Variants in CMTM7 observed in about 807,000 individuals in gnomAD.
CMTM7 encodes the protein CKLF-like MARVEL transmembrane domain-containing protein 7.
In CMTM7, 7 loss-of-function variants were observed where a neutral mutation model predicts 19.3. That is an observed-to-expected ratio of 0.36 (90% CI 0.21 to 0.68). CMTM7 has a LOEUF of 0.68. Ranked by LOEUF, CMTM7 falls within the 30% of genes least tolerant of loss-of-function variation. The probability of loss-of-function intolerance (pLI) is 0.60; values close to 1 mark genes in which losing one functional copy is unlikely to be tolerated. For missense variants in CMTM7, 193 were observed against 232.6 expected, an observed-to-expected ratio of 0.83 and a Z score of 1.11; for synonymous variants, 87 against 99.3, an observed-to-expected ratio of 0.88 and a Z score of 0.74.
At chr3:32,417,563 T>G (rs146687046) in intron 1 of CMTM7, among the ~76,000 whole-genome samples, 269 of 152,380 alleles carry the variant, frequency 1.8e-3, no homozygotes, top group African/African-American at 6.3e-3. Flanking sequence ...GTTTCCATTT[T>G]TCTTAAGTAA....
chr3:32,449,516 C>G lies in CMTM7; in HGVS notation c.396C>G (p.Ser132=). 6.2e-7 allele frequency: 1 copy of G among 1,614,110 alleles called. No homozygotes were observed. The highest frequency in any genetic ancestry group is 8.5e-7 in the Non-Finnish European group (1 of 1,179,976). ...TCATCGCCTCCATTGTGGCAGCTTCCAAGAGTTACAACCAGAGCGGACTGG... is the reference window on the plus strand; with the variant it reads ...TCATCGCCTCCATTGTGGCAGCTTCGAAGAGTTACAACCAGAGCGGACTGG... ...LLLIASIVAA[S]KSYNQSGLVA... is the part of the protein sequence containing the mutation. Residue 132 remains serine, a synonymous_variant, in exon 3 of 5, where the codon TCC becomes TCG. Coordinates refer to ENST00000334983, the MANE Select transcript of CMTM7 (RefSeq NM_138410.4). This position sits in a 1 kb window ranked among gnomAD's most constrained non-coding sequence, Gnocchi z 4.5.
At chr3:32,434,572 G>A (rs1696567734) in intron 1 of CMTM7, among the ~76,000 whole-genome samples, 1 of 149,108 alleles carries the variant, frequency 6.7e-6, no homozygotes, top group Admixed American at 6.7e-5. Flanking sequence ...GCCTCCCAAA[G>A]CACTGAGATT....
intron 1 of CMTM7, 40 bp downstream of exon 1, chr3:32,392,105 C>T: frequency 8.2e-7 from 1 of 1,224,930 alleles, no homozygotes; most frequent in Non-Finnish European, 1.0e-6. Context: ...TTCTACAGGG[C>T]GTCCCGGGAA....
In CMTM7 at chr3:32,439,886, G is replaced by A. The variant is rs77936080; in HGVS notation, c.160-1954G>A. ...AGATGGGTAACTCTTTACTATGGGA[G>A]CTCTCCTATTTATTGCAGGGTGCTT... On this transcript the variant is annotated intron_variant, in intron 1 of 4. Transcript: ENST00000334983. Among the ~76,000 whole-genome samples the A allele has an allele frequency of 8.4e-3, 1,275 of 152,322 alleles. 20 individuals carry two copies. The highest frequency in any genetic ancestry group is 0.029 in the African/African-American group (1,219 of 41,570).
rs149834090 is a variant in CMTM7 at position 32,449,400 on chromosome 3, C to T, written c.334-54C>T. 324 of 1,248,480 alleles carry T rather than the reference C, an allele frequency of 2.6e-4. No homozygotes were observed. The highest frequency in any genetic ancestry group is 3.5e-4 in the Non-Finnish European group (294 of 846,470). 77.3% of individuals were successfully genotyped at this position (1,248,480 alleles called of 1,614,324 possible). A position where few individuals can be genotyped will look rare whatever the true frequency, so the allele number is the denominator to read the frequency against. On this transcript the variant is annotated intron_variant, in intron 2 of 4. Transcript: ENST00000334983. The surrounding 1 kb of genome is among the most constrained non-coding windows in gnomAD (Gnocchi z 4.5). ...GTCTTCTGATGCCCAGTTGCTCTTCCCGGACCAGAAATGGACGGCCCTACC... is the reference window on the plus strand; with the variant it reads ...GTCTTCTGATGCCCAGTTGCTCTTCTCGGACCAGAAATGGACGGCCCTACC...
rs1696701689 is a variant in CMTM7 at position 32,442,849 on chromosome 3, A to T, written c.333+836A>T. Among the ~76,000 whole-genome samples, 3 of 152,216 alleles carry T rather than the reference A, an allele frequency of 2.0e-5. No homozygotes were observed. In the South Asian group the frequency reaches 6.2e-4, roughly 32 times the overall value. ...GTTTAGTATATTTCCAGAGTTGTCCAACCATTACTACAGTCAACTTGAGAA... is the reference window on the plus strand; with the variant it reads ...GTTTAGTATATTTCCAGAGTTGTCCTACCATTACTACAGTCAACTTGAGAA... On this transcript the variant is annotated intron_variant, in intron 2 of 4. Coordinates refer to ENST00000334983, the MANE Select transcript of CMTM7 (RefSeq NM_138410.4).
chr3:32,400,780 G>A (rs6790078), intron 1 of CMTM7, among the ~76,000 whole-genome samples: 27,873 of 152,136 alleles, frequency 0.18, 3,089 homozygotes, highest in Non-Finnish European at 0.25. Context: ...AGCCAGTCAT[G>A]GAGGTACCCT....
At chr3:32,436,904 G>C (rs1696605626) in intron 1 of CMTM7, among the ~76,000 whole-genome samples, 1 of 152,090 alleles carries the variant, frequency 6.6e-6, no homozygotes, top group African/African-American at 2.4e-5. Context: ...TGAGTTTTCT[G>C]TAGAGATTTT....
Position 32,449,535 on chromosome 3 carries a change from G to A in CMTM7, c.415G>A (p.Gly139Arg), listed in dbSNP as rs1471628323. Residue 139 changes from glycine to arginine, a missense_variant, in exon 3 of 5, where the codon GGA becomes AGA. By Grantham distance (125) the Gly-to-Arg change is moderately radical (BLOSUM62 -2). Coordinates refer to ENST00000334983, the MANE Select transcript of CMTM7 (RefSeq NM_138410.4). The surrounding 1 kb of genome is among the most constrained non-coding windows in gnomAD (Gnocchi z 4.5). ...VAASKSYNQSGLVAGAIFGFM... is the reference protein window; with the variant it reads ...VAASKSYNQSRLVAGAIFGFM... Reference sequence around the variant, plus strand: ...AGCTTCCAAGAGTTACAACCAGAGCGGACTGGTAGCCGGAGCGGTGAGGAT... The same window carrying A: ...AGCTTCCAAGAGTTACAACCAGAGCAGACTGGTAGCCGGAGCGGTGAGGAT... 4 of 1,613,756 alleles carry A rather than the reference G, an allele frequency of 2.5e-6. No homozygotes were observed. Among genetic ancestry groups the A allele is most frequent in the Non-Finnish European group, 3.4e-6 (4 of 1,179,660 alleles).
chr3:32,430,934 A>T lies in CMTM7; in HGVS notation c.160-10906A>T, dbSNP rs796971205. On this transcript the variant is annotated intron_variant, in intron 1 of 4. Coordinates refer to ENST00000334983, the MANE Select transcript of CMTM7 (RefSeq NM_138410.4). The stretch of plus-strand genomic sequence containing the variant: ...AGCACAATGCCTGGGCCATAAAAGG[A>T]TATAAAATTGCATTTGTTCATTCAT... 7.2e-5 allele frequency among the ~76,000 whole-genome samples: 11 copies of T among 152,344 alleles called. 1 individual carries two copies. The highest frequency in any genetic ancestry group is 2.6e-4 in the African/African-American group (11 of 41,576).
chr3:32,422,517 G>C (rs1318034403), intron 1 of CMTM7, among the ~76,000 whole-genome samples: 1 of 152,240 alleles, frequency 6.6e-6, no homozygotes, highest in African/African-American at 2.4e-5. Context: ...CCGTCTCGTA[G>C]CCCTAATGCC....
chr3:32,444,616 A>C (rs183712273), intron 2 of CMTM7, among the ~76,000 whole-genome samples: 1 of 152,342 alleles, frequency 6.6e-6, no homozygotes, highest in Admixed American at 6.5e-5. Flanking sequence ...ATTATGTTGA[A>C]TCCATAGATC....
intron 1 of CMTM7, among the ~76,000 whole-genome samples, chr3:32,435,527 G>T (rs569195480): frequency 1.3e-5 from 2 of 152,332 alleles, no homozygotes; most frequent in South Asian, 4.1e-4. Flanking sequence ...GATTAAGTAG[G>T]TCATTCTCCA....
intron 1 of CMTM7, among the ~76,000 whole-genome samples, chr3:32,423,525 A>G: frequency 6.6e-6 from 1 of 152,192 alleles, no homozygotes; most frequent in East Asian, 1.9e-4. Flanking sequence ...TGGGAAGCCA[A>G]AACCAAGAGC....
At chr3:32,445,547 C>T (rs1299030265) in intron 2 of CMTM7, among the ~76,000 whole-genome samples, 2 of 151,984 alleles carry the variant, frequency 1.3e-5, no homozygotes, top group African/African-American at 2.4e-5. Context: ...GGATCTTGGT[C>T]TATCATCCAG....
At chr3:32,410,628 G>A (rs1008932675) in intron 1 of CMTM7, among the ~76,000 whole-genome samples, 8 of 152,226 alleles carry the variant, frequency 5.3e-5, no homozygotes, top group Non-Finnish European at 1.2e-4. Context: ...AAAAGTCACA[G>A]AGAGGCTAGG....
At chr3:32,439,046 C>T (rs1575123062) in intron 1 of CMTM7, among the ~76,000 whole-genome samples, 1 of 152,122 alleles carries the variant, frequency 6.6e-6, no homozygotes, top group African/African-American at 2.4e-5. Flanking sequence ...TGGGAAGACC[C>T]CTAGACTTCC....
intron 1 of CMTM7, among the ~76,000 whole-genome samples, chr3:32,430,902 A>G (rs1298274064): frequency 6.6e-6 from 1 of 152,208 alleles, no homozygotes; most frequent in African/African-American, 2.4e-5. Context: ...GAGTAAGAAC[A>G]TCGCCTAGCA....
intron 1 of CMTM7, among the ~76,000 whole-genome samples, chr3:32,399,283 G>C (rs1219329555): frequency 1.5e-5 from 2 of 137,118 alleles, no homozygotes; most frequent in African/African-American, 5.6e-5. Flanking sequence ...TTTTTTGGTT[G>C]TCACAGGGAT....
Sources: allele counts gnomAD v4.1 joint callset (sites outside exome capture counted in the v4.1 genomes callset), GRCh38; gene constraint gnomAD v4.1.1; non-coding constraint Gnocchi (gnomAD v3.1); transcripts MANE v1.5; gene names NCBI Gene and HGNC (gene_info 2026-07-23, HGNC 2026-07-21).